Variants in ACTN4 observed in about 807,000 individuals in gnomAD.
The protein encoded by ACTN4 is actinin alpha 4, also known as alpha-actinin-4.
A neutral mutation model predicts 114.2 loss-of-function variants in ACTN4; 18 were observed. That is an observed-to-expected ratio of 0.16 (90% confidence interval 0.11 to 0.23). ACTN4 has a LOEUF of 0.23. Among genes scored for constraint, ACTN4 ranks in the 10% least tolerant of loss-of-function variants. ACTN4 has a pLI of 1.00. For missense variants in ACTN4, 722 were observed against 1,262.9 expected (o/e 0.57, Z 6.49); for synonymous variants, 515 against 506.3 (o/e 1.02, Z -0.23).
In ACTN4 at chr19:38,709,388, C is replaced by T. The variant is rs776682368; in HGVS notation, c.652-7C>T. ...AGTTCTTGTTGTCCCCACTTGCCTC[C>T]TTCTAGGACGACCCTGTCACCAACC... On this transcript the variant is annotated splice_polypyrimidine_tract_variant and splice_region_variant and intron_variant, in intron 6 of 20. Transcript: ENST00000252699. The T allele has an allele frequency of 6.2e-7, 1 of 1,613,076 alleles. No individual in the cohort carries two copies. Among genetic ancestry groups the T allele is most frequent in the South Asian group, 1.1e-5 (1 of 91,066 alleles).
chr19:38,668,941 T>C (rs114427741), intron 1 of ACTN4, among the ~76,000 whole-genome samples: 2,150 of 152,144 alleles, frequency 0.014, 58 homozygotes, highest in African/African-American at 0.048. Context: ...TGGTTCTTGG[T>C]GTATGGTTTC....
At chr19:38,719,330 A>G (rs1171396140) in intron 11 of ACTN4, among the ~76,000 whole-genome samples, 1 of 152,078 alleles carries the variant, frequency 6.6e-6, no homozygotes, top group Non-Finnish European at 1.5e-5. Flanking sequence ...TGCATTCCTG[A>G]GTGCATTTTC....
chr19:38,701,021 G>A lies in ACTN4; in HGVS notation c.297G>A (p.Pro99=), dbSNP rs144919593. 9.7e-5 allele frequency: 156 copies of A among 1,614,006 alleles called. 1 individual carries two copies. The African/African-American group carries it at 1.5e-3, about 16-fold the overall frequency. Residue 99 remains proline, a synonymous_variant, in exon 3 of 21, where the codon CCG becomes CCA. Coordinates refer to ENST00000252699, the MANE Select transcript of ACTN4 (RefSeq NM_004924.6). ...EVISGERLPK[P]ERGKMRVHKI... ...TCTCAGGGGAGCGGTTACCTAAGCC[G>A]GAGCGGGGGAAGATGAGAGTGCACA...
intron 1 of ACTN4, among the ~76,000 whole-genome samples, chr19:38,669,150 CTAATTT>C (rs1391153855): frequency 1.3e-5 from 2 of 152,154 alleles, no homozygotes; most frequent in Non-Finnish European, 2.9e-5. Flanking sequence ...CCGTGCCCAG[CTAATTT>C]TTGTATTTTT....
Position 38,674,735 on chromosome 19 carries a change from T to C in ACTN4, c.163-25865T>C, listed in dbSNP as rs373166902. On this transcript the variant is annotated intron_variant, in intron 1 of 20. Transcript: ENST00000252699. ...CCTTTTTAGGTTATTTCTCTAACAT[T>C]AGGGCCGAGTATCGATTCTCTTTAC... Among the ~76,000 whole-genome samples the C allele has an allele frequency of 8.5e-4, 130 of 152,284 alleles. 2 individuals are homozygous for C. The South Asian group carries it at 0.026, about 30-fold the overall frequency.
chr19:38,717,305 A>G lies in ACTN4; in HGVS notation c.1132A>G (p.Lys378Glu), dbSNP rs1249878077. 1 of 1,613,866 alleles carries G rather than the reference A, an allele frequency of 6.2e-7. No homozygotes were observed. The highest frequency in any genetic ancestry group is 8.5e-7 in the Non-Finnish European group (1 of 1,179,900). ...NRPAFMPSEG[K>E]MVSDINNGWQ... ...GCCCGCCTTCATGCCCTCCGAGGGC[A>G]AGATGGTCTCGGTGAGCACCAGGAT... Residue 378 changes from lysine to glutamate, a missense_variant, in exon 10 of 21, where the codon AAG becomes GAG. Around this residue, in one of 3 missense-constraint regions of ACTN4, gnomAD observed 523 missense variants for 875.9 expected, o/e 0.60. Coordinates refer to ENST00000252699, the MANE Select transcript of ACTN4 (RefSeq NM_004924.6). The surrounding 1 kb of genome is among the most constrained non-coding windows in gnomAD (Gnocchi z 4.0).
chr19:38,728,337 T>C, intron 19 of ACTN4: 1 of 1,469,658 alleles, frequency 6.8e-7, no homozygotes, highest in South Asian at 1.2e-5. Flanking sequence ...CAGCATGGAC[T>C]CCGATGACTT....
intron 1 of ACTN4, among the ~76,000 whole-genome samples, chr19:38,674,266 G>A (rs1967304948): frequency 6.6e-6 from 1 of 152,154 alleles, no homozygotes; most frequent in Non-Finnish European, 1.5e-5. Flanking sequence ...ACCCAGGGTT[G>A]TGGGAAGAGA....
chr19:38,702,051 A>T (rs975651805), intron 3 of ACTN4, among the ~76,000 whole-genome samples: 2 of 151,866 alleles, frequency 1.3e-5, no homozygotes, highest in Non-Finnish European at 2.9e-5. Flanking sequence ...AAAAATCACA[A>T]CCCAAAAATT....
At chr19:38,697,066 T>G (rs1390190857) in intron 1 of ACTN4, among the ~76,000 whole-genome samples, 1 of 152,214 alleles carries the variant, frequency 6.6e-6, no homozygotes, top group Non-Finnish European at 1.5e-5. Context: ...GAGGCCTCAG[T>G]GGCAGAAGCA....
chr19:38,650,702 A>G (rs1490993761), intron 1 of ACTN4, among the ~76,000 whole-genome samples: 4 of 152,042 alleles, frequency 2.6e-5, no homozygotes, highest in South Asian at 2.1e-4. Flanking sequence ...CTACCTTCCT[A>G]CTAAGAAACA....
At chr19:38,691,507 C>T (rs1015910658) in intron 1 of ACTN4, among the ~76,000 whole-genome samples, 14 of 151,124 alleles carry the variant, frequency 9.3e-5, no homozygotes, top group African/African-American at 3.4e-4. Context: ...GGGTTGCTGA[C>T]ATTTGAGGCA....
chr19:38,671,819 G>A (rs191815086), intron 1 of ACTN4, among the ~76,000 whole-genome samples: 40 of 152,302 alleles, frequency 2.6e-4, no homozygotes, highest in Admixed American at 7.8e-4. Flanking sequence ...TGAAGGCATC[G>A]CCCTCTGCTT....
chr19:38,673,595 A>G (rs1362060303), intron 1 of ACTN4, among the ~76,000 whole-genome samples: 3 of 107,740 alleles, frequency 2.8e-5, no homozygotes, highest in African/African-American at 1.0e-4. Flanking sequence ...ATTTATATAT[A>G]TTCATATATA....
At chr19:38,712,201 G>A (rs773734412) in intron 8 of ACTN4, among the ~76,000 whole-genome samples, 67 of 152,178 alleles carry the variant, frequency 4.4e-4, no homozygotes, top group Non-Finnish European at 7.3e-4. Flanking sequence ...CCATTTGAGA[G>A]AGGAGGAATT....
intron 1 of ACTN4, among the ~76,000 whole-genome samples, chr19:38,673,689 TA>T (rs1374553438): frequency 5.3e-4 from 34 of 63,922 alleles, no homozygotes; most frequent in South Asian, 8.7e-4. Flanking sequence ...TATTTATATA[TA>T]TTATATATAT....
intron 1 of ACTN4, among the ~76,000 whole-genome samples, chr19:38,696,677 T>A (rs185604133): frequency 1.3e-5 from 2 of 152,280 alleles, no homozygotes; most frequent in Admixed American, 1.3e-4. Flanking sequence ...TTTGTGAACC[T>A]CTGATGTCAA....
intron 5 of ACTN4, among the ~76,000 whole-genome samples, chr19:38,707,521 G>C (rs1393227968): frequency 6.6e-6 from 1 of 152,158 alleles, no homozygotes; most frequent in East Asian, 1.9e-4. Flanking sequence ...GGAGGAGAAT[G>C]TGACCCATAT....
intron 5 of ACTN4, 108 bp downstream of exon 5, chr19:38,706,239 C>T: frequency 8.5e-7 from 1 of 1,175,630 alleles, no homozygotes; most frequent in Non-Finnish European, 1.2e-6. Context: ...GATGCCAGCC[C>T]TCAGTCAGCC....
Sources: allele counts gnomAD v4.1 joint callset (sites outside exome capture counted in the v4.1 genomes callset), GRCh38; gene constraint gnomAD v4.1.1; regional missense constraint gnomAD v4.1.1; non-coding constraint Gnocchi (gnomAD v3.1); transcripts MANE v1.5; gene names NCBI Gene and HGNC (gene_info 2026-07-23, HGNC 2026-07-21).